AOAH: variants seen among roughly 807,000 people sequenced by gnomAD.
AOAH encodes the protein acyloxyacyl hydrolase, also known as acyloxyacyl hydrolase (neutrophil).
A neutral mutation model predicts 92.2 loss-of-function variants in AOAH; 64 were observed. The observed-to-expected ratio is 0.69, with a 90% CI of 0.57 to 0.86. The LOEUF is 0.86. AOAH is among the 40% of genes least tolerant of loss of function. The pLI is 0.00. For synonymous variants in AOAH, 263 were observed against 254.5 expected, an observed-to-expected ratio of 1.03 and a Z score of -0.32; for missense variants, 656 against 694.6, an observed-to-expected ratio of 0.94 and a Z score of 0.62.
chr7:36,555,749 C>G (rs1583808160), intron 13 of AOAH, among the ~76,000 whole-genome samples: 4 of 152,300 alleles, frequency 2.6e-5, no homozygotes, highest in Admixed American at 2.6e-4. Context: ...TCCATTTCTT[C>G]TAGATTTTCT....
chr7:36,678,598 T>TGCGCGC (rs1416213163), intron 2 of AOAH, among the ~76,000 whole-genome samples: 22 of 127,400 alleles, frequency 1.7e-4, no homozygotes, highest in African/African-American at 5.3e-4. Context: ...TGTGTGTGTG[T>TGCGCGC]GTGCGCGCGC....
At chr7:36,632,290 G>A (rs761763880) in intron 5 of AOAH, among the ~76,000 whole-genome samples, 184 bp from the exon 6 acceptor site, 1 of 152,016 alleles carries the variant, frequency 6.6e-6, no homozygotes, top group African/African-American at 2.4e-5. Flanking sequence ...CACTGCCTGT[G>A]CCTTTGCCCA....
At chr7:36,563,276 G>A (rs1255729043) in intron 13 of AOAH, among the ~76,000 whole-genome samples, 1 of 149,470 alleles carries the variant, frequency 6.7e-6, no homozygotes, top group East Asian at 2.0e-4. Flanking sequence ...CTAGGCACCT[G>A]TATGTCCCCA....
chr7:36,646,160 C>T (rs1225800863), intron 4 of AOAH, among the ~76,000 whole-genome samples: 2 of 152,190 alleles, frequency 1.3e-5, no homozygotes, highest in Non-Finnish European at 2.9e-5. Flanking sequence ...CTATACCAAA[C>T]ATCGTATAGA....
At chr7:36,605,494 C>T (rs915030637) in intron 11 of AOAH, among the ~76,000 whole-genome samples, 1 of 152,200 alleles carries the variant, frequency 6.6e-6, no homozygotes, top group African/African-American at 2.4e-5. Context: ...CTGGATAGCA[C>T]AGGCATTGAC....
At chr7:36,563,186 G>T (rs1287703672) in intron 13 of AOAH, among the ~76,000 whole-genome samples, 1 of 101,024 alleles carries the variant, frequency 9.9e-6, no homozygotes, top group African/African-American at 3.8e-5. Context: ...AAAAAAAAAG[G>T]CAATGGGAGT....
At position 36,686,765 on chromosome 7, in the gene AOAH, G is replaced by A. The variant is rs769160335; in HGVS notation, c.157C>T (p.Gln53Ter). The A allele has an allele frequency of 7.7e-5, 122 of 1,578,850 alleles. No homozygotes were observed. The highest frequency in any genetic ancestry group is 1.0e-4 in the Non-Finnish European group (120 of 1,162,276). Residue 53 changes from glutamine (Q) to a stop codon, truncating the protein, a stop_gained, in exon 2 of 21, where the codon CAG becomes TAG. Transcript: ENST00000617537. LOFTEE classifies it high-confidence loss of function. Reference sequence around the variant, plus strand: ...GTCGAGTTGTGAACTTGAGCAAGCTGTTCTATTACAGACACCACCAGCACA... The same window carrying A: ...GTCGAGTTGTGAACTTGAGCAAGCTATTCTATTACAGACACCACCAGCACA... ...GCVLVVSVIE[Q>*]LAQVHNSTVQ...
chr7:36,634,860 C>CTATT (rs1192449287), intron 5 of AOAH, among the ~76,000 whole-genome samples: 2 of 152,150 alleles, frequency 1.3e-5, no homozygotes, highest in Non-Finnish European at 2.9e-5. Context: ...CAATAGAATA[C>CTATT]TATTATATAA....
chr7:36,678,101 C>T (rs1051849164), intron 2 of AOAH, among the ~76,000 whole-genome samples: 1 of 152,174 alleles, frequency 6.6e-6, no homozygotes, highest in Non-Finnish European at 1.5e-5. Flanking sequence ...GTGAACTGTA[C>T]AGTATGTGAA....
At chr7:36,575,559 T>C (rs17400015) in intron 13 of AOAH, among the ~76,000 whole-genome samples, 11,270 of 152,238 alleles carry the variant, frequency 0.074, 479 homozygotes, top group East Asian at 0.13. Context: ...CTGAAGAAAT[T>C]TAATAATACT....
At chr7:36,517,228 C>CTTTCTTTT (rs200489121) in intron 20 of AOAH, among the ~76,000 whole-genome samples, 6 of 54,818 alleles carry the variant, frequency 1.1e-4, no homozygotes, top group South Asian at 6.8e-4. Flanking sequence ...TTCTTTCTGT[C>CTTTCTTTT]TCTCTCTCTC....
At chr7:36,584,979 C>A (rs1424712873) in intron 12 of AOAH, among the ~76,000 whole-genome samples, 1 of 152,100 alleles carries the variant, frequency 6.6e-6, no homozygotes, top group Non-Finnish European at 1.5e-5. Flanking sequence ...TCACCTGATT[C>A]CCATACTCAG....
chr7:36,562,134 T>C (rs1243026852), intron 13 of AOAH, among the ~76,000 whole-genome samples: 1 of 152,238 alleles, frequency 6.6e-6, no homozygotes, highest in Non-Finnish European at 1.5e-5. Flanking sequence ...ATGTAATTAG[T>C]TTATGCAATT....
intron 15 of AOAH, among the ~76,000 whole-genome samples, chr7:36,542,886 T>C (rs1785502601): frequency 6.6e-6 from 1 of 152,226 alleles, no homozygotes; most frequent in Non-Finnish European, 1.5e-5. Context: ...TCTTACATTA[T>C]GTGAATTTCA....
chr7:36,575,024 G>C (rs1413507497), intron 13 of AOAH, among the ~76,000 whole-genome samples: 1 of 147,798 alleles, frequency 6.8e-6, no homozygotes, highest in Non-Finnish European at 1.5e-5. Context: ...TTTTTTTTGT[G>C]CTTTGTTTTT....
At chr7:36,623,108 AGTCTT>A (rs58016731) in intron 7 of AOAH, 77 bp downstream of exon 7, 114,897 of 1,133,584 alleles carry the variant, frequency 0.1, 6,400 homozygotes, top group Admixed American at 0.16. Context: ...AATGAAATTC[AGTCTT>A]GTCTTATTAA....
intron 11 of AOAH, among the ~76,000 whole-genome samples, chr7:36,602,690 T>G (rs1228879186): frequency 6.6e-6 from 1 of 152,104 alleles, no homozygotes; most frequent in Non-Finnish European, 1.5e-5. Flanking sequence ...CTGTAAAAGT[T>G]TAGTCATTTC....
At chr7:36,548,754 G>A in intron 14 of AOAH, 68 bp from the exon 15 acceptor site, 2 of 1,438,510 alleles carry the variant, frequency 1.4e-6, no homozygotes, top group Non-Finnish European at 2.0e-6. Flanking sequence ...CAGTGACACA[G>A]GCTGGGCCTT....
intron 4 of AOAH, among the ~76,000 whole-genome samples, chr7:36,644,304 G>C (rs187808905): frequency 1.3e-5 from 2 of 151,966 alleles, no homozygotes; most frequent in African/African-American, 2.4e-5. Context: ...TTCACTCTGC[G>C]CTGGGAGATA....
Sources: allele counts gnomAD v4.1 joint callset (sites outside exome capture counted in the v4.1 genomes callset), GRCh38; gene constraint gnomAD v4.1.1; transcripts MANE v1.5; gene names NCBI Gene and HGNC (gene_info 2026-07-23, HGNC 2026-07-21).